Variants in CROCC observed in about 807,000 individuals in gnomAD.
CROCC encodes rootletin.
A neutral mutation model predicts 245.2 loss-of-function variants in CROCC; 180 were observed. That is an observed-to-expected ratio of 0.73 (90% CI 0.65 to 0.83). The LOEUF (loss-of-function observed/expected upper bound fraction) is 0.83. Ranked by LOEUF, CROCC falls within the 40% of genes least tolerant of loss-of-function variation. The probability of loss-of-function intolerance (pLI) is 0.00; values close to 1 mark genes in which losing one functional copy is unlikely to be tolerated. For synonymous variants in CROCC, 1,205 were observed against 1,241.6 expected, an observed-to-expected ratio of 0.97 and a Z score of 0.62; for missense variants, 2,688 against 2,779.4, an observed-to-expected ratio of 0.97 and a Z score of 0.74.
At chr1:16,963,804 G>GTT (rs1287714598) in intron 27 of CROCC, among the ~76,000 whole-genome samples, 1 of 135,598 alleles carries the variant, frequency 7.4e-6, no homozygotes, top group Non-Finnish European at 1.6e-5. Context: ...CTTTGTTTTT[G>GTT]TTTTTTTTTG....
intron 2 of CROCC, among the ~76,000 whole-genome samples, chr1:16,923,718 T>C (rs895484630): frequency 2.0e-5 from 3 of 148,604 alleles, no homozygotes; most frequent in African/African-American, 7.4e-5. Context: ...TCTCGCTGTG[T>C]TGCCCAGGCT....
upstream of CROCC, among the ~76,000 whole-genome samples, chr1:16,921,539 C>T (rs1472372053): frequency 6.6e-6 from 1 of 152,282 alleles, no homozygotes; most frequent in Non-Finnish European, 1.5e-5. Context: ...TCATTCTTAG[C>T]TAACCATGTG....
Position 16,936,665 on chromosome 1 carries a change from G to A in CROCC, c.985G>A (p.Ala329Thr), listed in dbSNP as rs779856571. The A allele has an allele frequency of 1.3e-6, 2 of 1,596,736 alleles. No homozygotes were observed. Among genetic ancestry groups the A allele is most frequent in the South Asian group, 2.3e-5 (2 of 88,638 alleles). ...CCTGCTGCAGCTGGGAGGGGAGCTGGCCCGGACATCACGAGCTGTCCAGGA... is the reference window on the plus strand; with the variant it reads ...CCTGCTGCAGCTGGGAGGGGAGCTGACCCGGACATCACGAGCTGTCCAGGA... ...RDLLQLGGEL[A>T]RTSRAVQEAG... The change falls in exon 9 of 37, where the codon GCC becomes ACC. Residue 329 changes from alanine (A) to threonine (T), a missense_variant. Physicochemically the swap from Ala to Thr is moderately conservative, Grantham distance 58. Coordinates refer to ENST00000375541, the MANE Select transcript of CROCC (RefSeq NM_014675.5).
At position 16,922,717 on chromosome 1, in the gene CROCC, G is replaced by A. The variant is rs185937495; in HGVS notation, c.115G>A (p.Ala39Thr). The A allele has an allele frequency of 1.2e-6, 2 of 1,613,834 alleles. No homozygotes were observed. Among genetic ancestry groups the A allele is most frequent in the Middle Eastern group, 1.7e-4 (1 of 6,060 alleles). ...QEKGLGARDLAQDAQITSLPA... is the reference protein window; with the variant it reads ...QEKGLGARDLTQDAQITSLPA... ...GAAAGGCTTGGGCGCGCGGGACCTGGCCCAGGACGCTCAGATCACCAGCCT... is the reference window on the plus strand; with the variant it reads ...GAAAGGCTTGGGCGCGCGGGACCTGACCCAGGACGCTCAGATCACCAGCCT... The change falls in exon 2 of 37, where the codon GCC (alanine) becomes ACC (threonine). Residue 39 changes from alanine to threonine, a missense_variant. By Grantham distance (58) the Ala-to-Thr change is moderately conservative. This residue lies in a region of CROCC where 972 missense variants were observed against 895.3 expected (regional missense o/e 1.09). Transcript: ENST00000375541.
At chr1:16,919,372 GT>G (rs1367920189), upstream of CROCC, among the ~76,000 whole-genome samples, 2 of 152,278 alleles carry the variant, frequency 1.3e-5, no homozygotes, top group East Asian at 3.8e-4. Flanking sequence ...CTGAGCCTCA[GT>G]TTTCTCATCT....
intron 2 of CROCC, among the ~76,000 whole-genome samples, chr1:16,923,210 C>T (rs1328580639): frequency 6.6e-6 from 1 of 152,372 alleles, no homozygotes; most frequent in Admixed American, 6.5e-5. Flanking sequence ...GGCAGGAAGG[C>T]GGATGGTCCC....
At chr1:16,936,549 G>A (rs1348026227) in intron 8 of CROCC, 88 bp from the exon 9 acceptor site, 13 of 1,339,656 alleles carry the variant, frequency 9.7e-6, no homozygotes, top group Non-Finnish European at 1.2e-5. Context: ...GATTATAGGT[G>A]TGAGCCACCA....
Position 16,966,922 on chromosome 1 carries a change from G to A in CROCC, c.4860+351G>A, listed in dbSNP as rs971699085. ...GAAAAATACTTAGCTGGGCATGGTG[G>A]TGTGGGCCTGTAGTCCCAGCTACTC... On this transcript the variant is annotated intron_variant, in intron 30 of 36. Coordinates refer to ENST00000375541, the MANE Select transcript of CROCC (RefSeq NM_014675.5). The surrounding 1 kb of genome is among the most constrained non-coding windows in gnomAD (Gnocchi z 4.8). Among the ~76,000 whole-genome samples the A allele has an allele frequency of 1.3e-5, 2 of 152,148 alleles. No individual in the cohort carries two copies. The highest frequency in any genetic ancestry group is 4.8e-5 in the African/African-American group (2 of 41,432).
chr1:16,948,782 G>C lies in CROCC; in HGVS notation c.2709-17G>C, dbSNP rs183588953. ...GGAGGCTGAGTCCCAGGGCCTCAGG[G>C]ACTGTATGTGCTGCAGCTTGGAGAA... On this transcript the variant is annotated splice_polypyrimidine_tract_variant and intron_variant, in intron 18 of 36. Transcript: ENST00000375541. The C allele has an allele frequency of 2.2e-4, 356 of 1,608,060 alleles. No individual in the cohort carries two copies. The African/African-American group carries it at 3.0e-3, about 14-fold the overall frequency.
rs1041699684 is a variant in CROCC, at chr1:16,960,878, C to T, written c.4153C>T (p.Arg1385Cys). 4.0e-6 allele frequency: 6 copies of T among 1,513,998 alleles called. No homozygotes were observed. The highest frequency in any genetic ancestry group is 2.3e-4 in the Middle Eastern group (1 of 4,286). 93.8% of individuals were successfully genotyped at this position (1,513,998 alleles called of 1,614,324 possible). ...GTEKQQLDHA[R>C]GLELKLEAAR... ...TGAAAAGCAGCAGCTGGACCACGCC[C>T]GCGGCCTGGAGCTGAAGCTGGAGGC... Residue 1385 changes from arginine to cysteine, a missense_variant, in exon 27 of 37, where the codon CGC becomes TGC. Coordinates refer to ENST00000375541, the MANE Select transcript of CROCC (RefSeq NM_014675.5).
chr1:16,951,548 C>T (rs1297702623), intron 20 of CROCC, among the ~76,000 whole-genome samples: 5 of 152,192 alleles, frequency 3.3e-5, no homozygotes, highest in African/African-American at 4.8e-5. Context: ...ACTGGTGATG[C>T]TACCCAAGGT....
At chr1:16,947,026 G>A in intron 17 of CROCC, 35 bp downstream of exon 17, 2 of 1,516,766 alleles carry the variant, frequency 1.3e-6, no homozygotes, top group South Asian at 1.2e-5. Context: ...GGTGTGGAGA[G>A]CATGTGGGGC....
rs745982861 is a variant in CROCC, at chr1:16,929,869, G to T, written c.375G>T (p.Glu125Asp). 3.2e-6 allele frequency: 5 copies of T among 1,575,964 alleles called. No homozygotes were observed. In the East Asian group the frequency reaches 9.1e-5, roughly 29 times the overall value. The change falls in exon 4 of 37, where the codon GAG becomes GAT. Residue 125 changes from glutamate to aspartate, a missense_variant. Physicochemically the swap from Glu to Asp is conservative, Grantham distance 45 (BLOSUM62 2). Around this residue, in one of 9 missense-constraint regions of CROCC, gnomAD observed 972 missense variants for 895.3 expected, o/e 1.09. Transcript: ENST00000375541. ...AGCTGGAGCAGGCTCTGCGGCTGGA[G>T]CCTGGGGAGCTGGAGACGCAGGAGC... ...SERLEQALRL[E>D]PGELETQEPR...
rs373621983 is a variant in CROCC at position 16,960,845 on chromosome 1, C to T, written c.4120C>T (p.Arg1374Cys). 24 of 1,516,670 alleles carry T rather than the reference C, an allele frequency of 1.6e-5. No homozygotes were observed. Among genetic ancestry groups the T allele is most frequent in the Non-Finnish European group, 2.0e-5 (23 of 1,138,696 alleles). The allele number at this position is 1,516,670 out of a possible 1,614,324, so 94.0% of individuals were successfully genotyped here. A position where few individuals can be genotyped will look rare whatever the true frequency, so the allele number is the denominator to read the frequency against. The part of the protein sequence containing the change: ...RRLLGSLEEA[R>C]GTEKQQLDHA... Reference sequence around the variant, plus strand: ...CCTGCTGGGCTCCCTGGAGGAGGCGCGTGGCACTGAAAAGCAGCAGCTGGA... The same window carrying T: ...CCTGCTGGGCTCCCTGGAGGAGGCGTGTGGCACTGAAAAGCAGCAGCTGGA... Residue 1374 changes from arginine to cysteine, a missense_variant, in exon 27 of 37, where the codon CGT becomes TGT. Transcript: ENST00000375541.
rs1456289426 is a variant in CROCC, at chr1:16,938,437, C to G, written c.1328C>G (p.Thr443Arg). The change falls in exon 11 of 37, where the codon ACA becomes AGA. Residue 443 changes from threonine (T) to arginine (R), a missense_variant. By Grantham distance (71) the Thr-to-Arg change is moderately conservative. Transcript: ENST00000375541. ...LRLQEQAALE[T>R]EDGEGLQQTL... ...CTACAGGAGCAGGCGGCCCTGGAGA[C>G]AGAGGATGGAGAGGGGCTACAGCAG... The G allele has an allele frequency of 2.7e-5, 43 of 1,580,806 alleles. No homozygotes were observed. In the East Asian group the frequency reaches 9.8e-4, roughly 36 times the overall value.
rs776924993 is a variant in CROCC, at chr1:16,940,005, C to G, written c.1720C>G (p.Arg574Gly). ...CCTAGAGGAACAGCTGCAGCGCCTG[C>G]GGGACAAGACCGACGGCGCCATGCA... ...RALEEQLQRLRDKTDGAMQAH... is the reference protein window; with the variant it reads ...RALEEQLQRLGDKTDGAMQAH... The change falls in exon 13 of 37, where the codon CGG becomes GGG. Residue 574 changes from arginine (R) to glycine (G), a missense_variant. Coordinates refer to ENST00000375541, the MANE Select transcript of CROCC (RefSeq NM_014675.5). 5 of 1,611,936 alleles carry G rather than the reference C, an allele frequency of 3.1e-6. No individual in the cohort carries two copies. The highest frequency in any genetic ancestry group is 4.2e-6 in the Non-Finnish European group (5 of 1,179,618).
Position 16,930,334 on chromosome 1 carries a change from G to T in CROCC, c.670G>T (p.Glu224Ter). Residue 224 changes from glutamate to a stop codon, truncating the protein, a stop_gained, in exon 6 of 37, where the codon GAG becomes TAG. Coordinates refer to ENST00000375541, the MANE Select transcript of CROCC (RefSeq NM_014675.5). LOFTEE classifies it high-confidence loss of function. The part of the protein sequence containing the change: ...DLESALIRLE[E>*]EQQRSASLAQ... ...GGAAAGCGCCCTCATCCGGCTGGAG[G>T]AGGAGCAGCAGAGGTGAGGGCGCAG... is the stretch of plus-strand genomic sequence containing the variant. 6.2e-7 allele frequency: 1 copy of T among 1,610,442 alleles called. No homozygotes were observed. Among genetic ancestry groups the T allele is most frequent in the East Asian group, 2.2e-5 (1 of 44,856 alleles).
intron 1 of CROCC, 100 bp from the exon 2 acceptor site, chr1:16,922,563 G>A: frequency 6.8e-7 from 1 of 1,466,892 alleles, no homozygotes; most frequent in Non-Finnish European, 9.1e-7. Flanking sequence ...GGGGCTCCTG[G>A]GGACCTGTAT....
In CROCC at chr1:16,971,705, GGA is replaced by G. The variant is rs1231669224; in HGVS notation, c.5967+63_5967+64del. On this transcript the variant is annotated intron_variant, in intron 36 of 36. Coordinates refer to ENST00000375541, the MANE Select transcript of CROCC (RefSeq NM_014675.5). ...ATGGATGTGTGGGGCTGCAGAAAGA[GGA>G]GAGACCCAATCAAGACCTTGTGGGT... 5.0e-6 allele frequency: 7 copies of G among 1,406,578 alleles called. No individual in the cohort carries two copies. In the African/African-American group the frequency reaches 5.8e-5, roughly 12 times the overall value. 87.1% of individuals were successfully genotyped at this position (1,406,578 alleles called of 1,614,324 possible).
Sources: allele counts gnomAD v4.1 joint callset (sites outside exome capture counted in the v4.1 genomes callset), GRCh38; gene constraint gnomAD v4.1.1; regional missense constraint gnomAD v4.1.1; non-coding constraint Gnocchi (gnomAD v3.1); transcripts MANE v1.5; gene names NCBI Gene and HGNC (gene_info 2026-07-23, HGNC 2026-07-21).